The following DSCAML1 variants were observed in gnomAD, a reference collection of about 807,000 sequenced individuals.
The protein encoded by DSCAML1 is DS cell adhesion molecule like 1.
Under a neutral mutation model 200.5 loss-of-function variants are expected in DSCAML1, and 38 were observed. That is an observed-to-expected ratio of 0.19 (90% CI 0.15 to 0.25). The LOEUF is 0.25. Ranked by LOEUF, DSCAML1 falls within the 10% of genes least tolerant of loss-of-function variation. The pLI, the probability that DSCAML1 is intolerant of heterozygous loss-of-function variation, is 1.00. For missense variants in DSCAML1, 2,223 were observed against 2,858.8 expected (o/e 0.78, Z 5.07); for synonymous variants, 1,215 against 1,165.0 (o/e 1.04, Z -0.87).
At chr11:117,486,981 G>A (rs4938389) in intron 11 of DSCAML1, among the ~76,000 whole-genome samples, 62,852 of 136,298 alleles carry the variant, frequency 0.46, 14,721 homozygotes, top group South Asian at 0.62. Flanking sequence ...CTAGAGTGCA[G>A]TGGTACAATT....
intron 11 of DSCAML1, among the ~76,000 whole-genome samples, chr11:117,482,705 T>C (rs1246077641): frequency 6.6e-6 from 1 of 152,204 alleles, no homozygotes; most frequent in Non-Finnish European, 1.5e-5. Flanking sequence ...ACGGGGCTGC[T>C]ATTGCTGCAT....
chr11:117,453,567 T>C lies in DSCAML1; in HGVS notation c.3569-2879A>G, dbSNP rs79295677. 6.6e-3 allele frequency among the ~76,000 whole-genome samples: 1,003 copies of C among 152,302 alleles called. 9 individuals carry two copies. The highest frequency in any genetic ancestry group is 0.011 in the Non-Finnish European group (774 of 68,038). On this transcript the variant is annotated intron_variant, in intron 19 of 32. Coordinates refer to ENST00000651296, the MANE Select transcript of DSCAML1 (RefSeq NM_020693.4). The stretch of plus-strand genomic sequence containing the variant: ...CTTACATATTTTATATATATACAAA[T>C]ACATCATTGTCCTTTTTTCTGGTTT...
intron 3 of DSCAML1, among the ~76,000 whole-genome samples, chr11:117,592,307 T>C (rs1299285328): frequency 6.6e-6 from 1 of 152,176 alleles, no homozygotes; most frequent in African/African-American, 2.4e-5. Flanking sequence ...GGAGCTTGGA[T>C]GGAGCCATTG....
Position 117,428,558 on chromosome 11 carries a change from C to G in DSCAML1, c.5932G>C (p.Ala1978Pro). 2 of 1,552,894 alleles carry G rather than the reference C, an allele frequency of 1.3e-6. No homozygotes were observed. Among genetic ancestry groups the G allele is most frequent in the South Asian group, 2.4e-5 (2 of 84,814 alleles). Residue 1978 changes from alanine to proline, a missense_variant, in exon 33 of 33, where the codon GCC (alanine) becomes CCC (proline). By Grantham distance (27) the Ala-to-Pro change is conservative. Coordinates refer to ENST00000651296, the MANE Select transcript of DSCAML1 (RefSeq NM_020693.4). Reference sequence around the variant, plus strand: ...GGGGGGGCTGTGCCGGCTGGGGGGGCTGGCATGGCCAGAGTCCTCTGAGGT... The same window carrying G: ...GGGGGGGCTGTGCCGGCTGGGGGGGGTGGCATGGCCAGAGTCCTCTGAGGT... ...TLPQRTLAMPAPPAGTAPPAP... is the reference protein window; with the variant it reads ...TLPQRTLAMPPPPAGTAPPAP...
At chr11:117,753,323 C>G (rs1181338378) in intron 3 of DSCAML1, among the ~76,000 whole-genome samples, 1 of 152,144 alleles carries the variant, frequency 6.6e-6, no homozygotes, top group Non-Finnish European at 1.5e-5. Context: ...CAGCAGAGGC[C>G]TGGGGCTGAG....
In DSCAML1 at chr11:117,614,555, C is replaced by T. The variant is rs532212504; in HGVS notation, c.512-82033G>A. On this transcript the variant is annotated intron_variant, in intron 3 of 32. Transcript: ENST00000651296. ...TCCTCCTGTTCTTCCTCCTTGAATC[C>T]CCTGTTGTTGATTCTTTAAAACAAC... 9.4e-4 allele frequency among the ~76,000 whole-genome samples: 143 copies of T among 152,236 alleles called. 1 individual carries two copies. The highest frequency in any genetic ancestry group is 2.9e-3 in the Admixed American group (45 of 15,294).
rs985220956 is a variant in DSCAML1 at position 117,504,874 on chromosome 11, G to A, written c.2182+50C>T. The A allele has an allele frequency of 1.3e-5, 21 of 1,562,388 alleles. No homozygotes were observed. The highest frequency in any genetic ancestry group is 8.8e-5 in the Admixed American group (5 of 56,710). On this transcript the variant is annotated intron_variant, in intron 10 of 32. Coordinates refer to ENST00000651296, the MANE Select transcript of DSCAML1 (RefSeq NM_020693.4). This position sits in a 1 kb window ranked among gnomAD's most constrained non-coding sequence, Gnocchi z 5.0. ...GTTCAAATCCCACAGAGCATCCTCC[G>A]TTCCCCGTCCCTGCCCTTCTTGGAG... is the stretch of plus-strand genomic sequence containing the variant.
chr11:117,444,065 T>G (rs1337779529), intron 20 of DSCAML1, 26 bp from the exon 21 acceptor site: 1 of 1,594,538 alleles, frequency 6.3e-7, no homozygotes, highest in East Asian at 2.3e-5. Context: ...AAAGAGGCTC[T>G]AAGAAGCAGA....
At chr11:117,718,393 C>T (rs1025037208) in intron 3 of DSCAML1, among the ~76,000 whole-genome samples, 2 of 152,170 alleles carry the variant, frequency 1.3e-5, no homozygotes, top group Middle Eastern at 3.2e-3. Context: ...TGATGTGTGC[C>T]GGGAACAAAC....
At chr11:117,742,554 G>A (rs2054441752) in intron 3 of DSCAML1, among the ~76,000 whole-genome samples, 1 of 152,212 alleles carries the variant, frequency 6.6e-6, no homozygotes, top group African/African-American at 2.4e-5. Context: ...AGGTGACTGG[G>A]CGGTGAGGAG....
At chr11:117,711,685 G>A (rs901361266) in intron 3 of DSCAML1, among the ~76,000 whole-genome samples, 2 of 152,072 alleles carry the variant, frequency 1.3e-5, no homozygotes, top group Non-Finnish European at 2.9e-5. Flanking sequence ...CAATTCTGCC[G>A]GTCCTTTTTT....
At chr11:117,509,512 G>GGGCAGGTGCGATGCAT (rs1225614725) in intron 8 of DSCAML1, among the ~76,000 whole-genome samples, 1 of 152,202 alleles carries the variant, frequency 6.6e-6, no homozygotes, top group Non-Finnish European at 1.5e-5. Context: ...TCTGGGGGAT[G>GGGCAGGTGCGATGCAT]GGCAGGTGCG....
chr11:117,448,596 A>G (rs1024118979), intron 20 of DSCAML1, among the ~76,000 whole-genome samples: 2 of 142,592 alleles, frequency 1.4e-5, no homozygotes, highest in Non-Finnish European at 3.0e-5. Context: ...CAGAATTGTG[A>G]ACAGCTTAGT....
intron 3 of DSCAML1, among the ~76,000 whole-genome samples, chr11:117,665,281 G>A (rs550358777): frequency 1.7e-3 from 254 of 152,310 alleles, no homozygotes; most frequent in African/African-American, 5.9e-3. Flanking sequence ...AAGTCGGCTC[G>A]TACGAGCTGG....
At chr11:117,695,274 T>C (rs1315000212) in intron 3 of DSCAML1, among the ~76,000 whole-genome samples, 2 of 151,588 alleles carry the variant, frequency 1.3e-5, no homozygotes, top group East Asian at 1.9e-4. Context: ...CTGTCCTAAA[T>C]AACAGGGCAG....
At chr11:117,440,873 A>G (rs1311582448) in intron 21 of DSCAML1, among the ~76,000 whole-genome samples, 1 of 144,008 alleles carries the variant, frequency 6.9e-6, no homozygotes, top group Non-Finnish European at 1.5e-5. Flanking sequence ...GTGAGCCGAG[A>G]TCATGCCACT....
intron 3 of DSCAML1, among the ~76,000 whole-genome samples, chr11:117,735,027 GGA>G (rs1406973421): frequency 6.6e-6 from 1 of 152,158 alleles, no homozygotes; most frequent in East Asian, 1.9e-4. Flanking sequence ...GTCAGGCTGT[GGA>G]GAGTCCCTCA....
At chr11:117,636,364 A>G (rs891037425) in intron 3 of DSCAML1, among the ~76,000 whole-genome samples, 5 of 152,206 alleles carry the variant, frequency 3.3e-5, no homozygotes, top group Admixed American at 6.5e-5. Flanking sequence ...ACAATTCCCA[A>G]TGTATTGGGA....
chr11:117,497,257 G>A (rs2049307162), intron 11 of DSCAML1, among the ~76,000 whole-genome samples: 1 of 152,164 alleles, frequency 6.6e-6, no homozygotes, highest in Non-Finnish European at 1.5e-5. Flanking sequence ...AGGGCATAGC[G>A]AGGAGCACTG....
Sources: allele counts gnomAD v4.1 joint callset (sites outside exome capture counted in the v4.1 genomes callset), GRCh38; gene constraint gnomAD v4.1.1; non-coding constraint Gnocchi (gnomAD v3.1); transcripts MANE v1.5; gene names NCBI Gene and HGNC (gene_info 2026-07-23, HGNC 2026-07-21).